The following ZDHHC21 variants were observed in gnomAD, a reference collection of about 807,000 sequenced individuals.
ZDHHC21 encodes palmitoyltransferase ZDHHC21.
In ZDHHC21, 15 loss-of-function variants were observed where a neutral mutation model predicts 34.6. The observed-to-expected ratio is 0.43, with a 90% CI of 0.29 to 0.67. ZDHHC21 has a LOEUF of 0.67. Ranked by LOEUF, ZDHHC21 falls within the 30% of genes least tolerant of loss-of-function variation. The pLI is 0.14. For synonymous variants in ZDHHC21, 142 were observed against 101.8 expected (o/e 1.40, Z -2.38); for missense variants, 344 against 327.7 (o/e 1.05, Z -0.38).
At chr9:14,680,587 T>A (rs185992739) in intron 2 of ZDHHC21, among the ~76,000 whole-genome samples, 2 of 147,464 alleles carry the variant, frequency 1.4e-5, no homozygotes, top group African/African-American at 2.5e-5. Flanking sequence ...CCTCCTGTAA[T>A]GAAGCCATTA....
chr9:14,607,082 CAAA>C (rs3081725), downstream of ZDHHC21, among the ~76,000 whole-genome samples: 291 of 131,696 alleles, frequency 2.2e-3, no homozygotes, highest in African/African-American at 7.8e-3. Flanking sequence ...TTACTAATAG[CAAA>C]AAAAAAAAAA....
rs971783881 is a variant in ZDHHC21 at position 14,616,369 on chromosome 9, T to G, written c.*2597A>C. ...AGCAAGAATATAATGGGAACGTACA[T>G]AAATGAAGCAAAGCAGTCATCACAT... On this transcript the variant is annotated 3_prime_UTR_variant, in exon 10 of 10. Coordinates refer to ENST00000380916, the MANE Select transcript of ZDHHC21 (RefSeq NM_178566.6). The G allele has an allele frequency of 2.0e-5, 3 of 151,758 alleles. No individual in the cohort carries two copies. The highest frequency in any genetic ancestry group is 4.4e-5 in the Non-Finnish European group (3 of 67,750). The allele number at this position is 151,758 out of a possible 1,614,324, so 9.4% of individuals were successfully genotyped here.
chr9:14,665,204 G>A (rs935898197), intron 5 of ZDHHC21, among the ~76,000 whole-genome samples: 1 of 138,328 alleles, frequency 7.2e-6, no homozygotes, highest in Non-Finnish European at 1.5e-5. Context: ...GAAGAATGCA[G>A]AAGCCTCAGG....
At position 14,617,256 on chromosome 9, in the gene ZDHHC21, G is replaced by A. The variant is rs3765603; in HGVS notation, c.*1710C>T. 56,260 of 151,542 alleles carry A rather than the reference G, an allele frequency of 0.37. 10,693 individuals carry two copies. The highest frequency in any genetic ancestry group is 0.43 in the Middle Eastern group (127 of 292). The allele number at this position is 151,542 out of a possible 1,614,324, so 9.4% of individuals were successfully genotyped here. On this transcript the variant is annotated 3_prime_UTR_variant, in exon 10 of 10. Coordinates refer to ENST00000380916, the MANE Select transcript of ZDHHC21 (RefSeq NM_178566.6). ...ATATTTCTTCTATTTAATTTACTAC[G>A]TCTCTTTTCAGTACCAATAAATATG... is the stretch of plus-strand genomic sequence containing the variant.
intron 5 of ZDHHC21, among the ~76,000 whole-genome samples, chr9:14,663,217 T>C (rs572690380): frequency 1.3e-5 from 2 of 152,306 alleles, no homozygotes; most frequent in African/African-American, 2.4e-5. Context: ...TATATTGGAA[T>C]GGAATTTTTC....
At position 14,693,289 on chromosome 9, in the gene ZDHHC21, C is replaced by G. The variant is rs1019997590; in HGVS notation, c.-285G>C. 2.6e-5 allele frequency: 11 copies of G among 419,610 alleles called. No homozygotes were observed. In the East Asian group the frequency reaches 1.2e-3, roughly 47 times the overall value. 26.0% of individuals were successfully genotyped at this position (419,610 alleles called of 1,614,324 possible). On this transcript the variant is annotated 5_prime_UTR_variant, in exon 1 of 10. Coordinates refer to ENST00000380916, the MANE Select transcript of ZDHHC21 (RefSeq NM_178566.6). The stretch of plus-strand genomic sequence containing the variant: ...TCCCGACCGCCAGCAGCTCTTTCCC[C>G]TCCTCCTGCCGCGCCACCTCCGCCT...
At chr9:14,680,786 G>T (rs1311311638) in intron 2 of ZDHHC21, among the ~76,000 whole-genome samples, 1 of 152,176 alleles carries the variant, frequency 6.6e-6, no homozygotes, top group Non-Finnish European at 1.5e-5. Context: ...AATGGAGGCA[G>T]ACTAGCAAAC....
intron 8 of ZDHHC21, among the ~76,000 whole-genome samples, chr9:14,633,966 T>C (rs981305137): frequency 4.6e-5 from 7 of 152,168 alleles, no homozygotes; most frequent in Non-Finnish European, 1.0e-4. Flanking sequence ...TGGGTGAATG[T>C]ACCACCAGGG....
At chr9:14,656,183 C>T (rs932598824) in intron 7 of ZDHHC21, among the ~76,000 whole-genome samples, 1 of 151,872 alleles carries the variant, frequency 6.6e-6, no homozygotes, top group Non-Finnish European at 1.5e-5. Flanking sequence ...TATTGACTAA[C>T]TACTGAACAT....
rs116162798 is a variant in ZDHHC21, at chr9:14,620,544, T to A, written c.622-862A>T. ...TTTATCCCTTACTTTACCTTAACAC[T>A]TTGTTTATACATAGGTGGACTTATT... On this transcript the variant is annotated intron_variant, in intron 8 of 9. Coordinates refer to ENST00000380916, the MANE Select transcript of ZDHHC21 (RefSeq NM_178566.6). 7.4e-3 allele frequency among the ~76,000 whole-genome samples: 923 copies of A among 124,568 alleles called. 12 individuals carry two copies. Among genetic ancestry groups the A allele is most frequent in the African/African-American group, 0.029 (876 of 30,500 alleles). 81.7% of individuals were successfully genotyped at this position (124,568 alleles called of 152,430 possible). A position where few individuals can be genotyped will look rare whatever the true frequency, so the allele number is the denominator to read the frequency against.
At chr9:14,656,271 G>A (rs1312165275) in intron 7 of ZDHHC21, among the ~76,000 whole-genome samples, 2 of 151,734 alleles carry the variant, frequency 1.3e-5, no homozygotes, top group African/African-American at 4.8e-5. Flanking sequence ...TTATAATTCT[G>A]GTCCTAGAAT....
rs1187351882 is a variant in ZDHHC21 at position 14,614,088 on chromosome 9, C to T, written c.*4878G>A. On this transcript the variant is annotated 3_prime_UTR_variant, in exon 10 of 10. Coordinates refer to ENST00000380916, the MANE Select transcript of ZDHHC21 (RefSeq NM_178566.6). The stretch of plus-strand genomic sequence containing the variant: ...ATAAGAGATAAGGCTAAAATGATTA[C>T]AGCAAAGAGATTCTCTGATGTCAGA... 6.6e-6 allele frequency: 1 copy of T among 151,718 alleles called. No homozygotes were observed. Among genetic ancestry groups the T allele is most frequent in the Non-Finnish European group, 1.5e-5 (1 of 67,766 alleles). The allele number at this position is 151,718 out of a possible 1,614,324, so 9.4% of individuals were successfully genotyped here. A position where few individuals can be genotyped will look rare whatever the true frequency, so the allele number is the denominator to read the frequency against.
At position 14,614,620 on chromosome 9, in the gene ZDHHC21, C is replaced by A. The variant is rs929808004; in HGVS notation, c.*4346G>T. 1 of 151,646 alleles carries A rather than the reference C, an allele frequency of 6.6e-6. No individual in the cohort carries two copies. Among genetic ancestry groups the A allele is most frequent in the African/African-American group, 2.4e-5 (1 of 41,386 alleles). 9.4% of individuals were successfully genotyped at this position (151,646 alleles called of 1,614,324 possible). ...GACTAAATATAGAGCACAATGAAATCTGTGATTTATAATAAATTCAGAGGA... is the reference window on the plus strand; with the variant it reads ...GACTAAATATAGAGCACAATGAAATATGTGATTTATAATAAATTCAGAGGA... On this transcript the variant is annotated 3_prime_UTR_variant, in exon 10 of 10. Transcript: ENST00000380916.
At chr9:14,669,565 T>G (rs1475769755) in intron 5 of ZDHHC21, among the ~76,000 whole-genome samples, 1 of 150,530 alleles carries the variant, frequency 6.6e-6, no homozygotes. Flanking sequence ...GTATGTTTAT[T>G]GCAGCATTAT....
At chr9:14,665,895 T>A (rs1426236667) in intron 5 of ZDHHC21, among the ~76,000 whole-genome samples, 1 of 149,726 alleles carries the variant, frequency 6.7e-6, no homozygotes, top group Non-Finnish European at 1.5e-5. Flanking sequence ...TGCAAAATCA[T>A]GCCAAAATGT....
chr9:14,624,220 T>A (rs1825820989), intron 8 of ZDHHC21, among the ~76,000 whole-genome samples: 1 of 152,148 alleles, frequency 6.6e-6, no homozygotes, highest in African/African-American at 2.4e-5. Context: ...AGGGAAGATG[T>A]CCATAAGTTA....
chr9:14,663,539 T>C (rs566984231), intron 5 of ZDHHC21, among the ~76,000 whole-genome samples: 35 of 150,240 alleles, frequency 2.3e-4, no homozygotes, highest in African/African-American at 8.5e-4. Flanking sequence ...TTCTTTTTTT[T>C]CTCTTTTTTT....
At chr9:14,601,571 T>G in the ZDHHC21 span, among the ~76,000 whole-genome samples, 1 of 152,144 alleles carries the variant, frequency 6.6e-6, no homozygotes, top group Non-Finnish European at 1.5e-5. Context: ...GTTCAACAAT[T>G]GTGCAAGACA....
chr9:14,630,365 A>C (rs1454982559), intron 8 of ZDHHC21, among the ~76,000 whole-genome samples: 1 of 152,158 alleles, frequency 6.6e-6, no homozygotes, highest in East Asian at 1.9e-4. Context: ...TGATCATGAG[A>C]TTGTAGCAAT....
Sources: gnomAD v4.1 joint callset for allele counts (sites outside exome capture counted in the v4.1 genomes callset) on GRCh38, gnomAD v4.1.1 for gene constraint, MANE v1.5 for transcripts, NCBI Gene and HGNC (gene_info 2026-07-23, HGNC 2026-07-21) for gene names.